Variants in SLC5A5 observed in about 807,000 individuals in gnomAD.
The protein encoded by SLC5A5 is solute carrier family 5 member 5.
A neutral mutation model predicts 68.6 loss-of-function variants in SLC5A5; 56 were observed. The observed-to-expected ratio is 0.82, with a 90% CI of 0.66 to 1.02. The LOEUF is 1.02. Ranked by LOEUF, SLC5A5 falls within the 50% of genes least tolerant of loss-of-function variation. The pLI, the probability that SLC5A5 is intolerant of heterozygous loss-of-function variation, is 0.00. For missense variants in SLC5A5, 807 were observed against 859.8 expected (o/e 0.94, Z 0.77); for synonymous variants, 398 against 373.0 (o/e 1.07, Z -0.77).
intron 8 of SLC5A5, among the ~76,000 whole-genome samples, chr19:17,881,285 C>T (rs150620779): frequency 9.3e-5 from 14 of 150,626 alleles, no homozygotes; most frequent in African/African-American, 2.9e-4. Flanking sequence ...GTTTTTTTTC[C>T]GGATGGAGTC....
At chr19:17,873,466 A>C (rs1027883869) in intron 1 of SLC5A5, among the ~76,000 whole-genome samples, 2 of 145,418 alleles carry the variant, frequency 1.4e-5, no homozygotes, top group African/African-American at 2.6e-5. Context: ...AAAGGAAAAA[A>C]AAATATTGTG....
chr19:17,881,499 TC>T (rs1333225031), intron 8 of SLC5A5, among the ~76,000 whole-genome samples: 1 of 152,158 alleles, frequency 6.6e-6, no homozygotes, highest in East Asian at 1.9e-4. Flanking sequence ...ACTCCTGACC[TC>T]AGGTGATCTG....
chr19:17,893,882 A>C lies in SLC5A5; in HGVS notation c.*5A>C, dbSNP rs371180549. 3.3e-5 allele frequency: 52 copies of C among 1,557,570 alleles called. No homozygotes were observed. The African/African-American group carries it at 6.5e-4, about 20-fold the overall frequency. On this transcript the variant is annotated 3_prime_UTR_variant, in exon 15 of 15. Transcript: ENST00000222248. ...CAGCAGGAGACAAACCTCTGAGGAC[A>C]GGGCCAGCCGCGGGACTGACACCCT...
At chr19:17,882,872 A>G (rs1490077572) in intron 10 of SLC5A5, among the ~76,000 whole-genome samples, 1 of 148,604 alleles carries the variant, frequency 6.7e-6, no homozygotes, top group Non-Finnish European at 1.5e-5. Context: ...TTTAGTAGAG[A>G]TGGGGTTTCA....
chr19:17,894,182 C>G lies in SLC5A5; in HGVS notation c.*305C>G. ...TTTTTTTTTGAGACAGGGTCATGCT[C>G]TGTCACCCAGGCTGGAGTGCAGTGG... On this transcript the variant is annotated 3_prime_UTR_variant, in exon 15 of 15. Transcript: ENST00000222248. The G allele has an allele frequency of 9.2e-6, 3 of 327,134 alleles. No homozygotes were observed. Among genetic ancestry groups the G allele is most frequent in the Non-Finnish European group, 1.7e-5 (3 of 178,094 alleles). The allele number at this position is 327,134 out of a possible 1,614,324, so 20.3% of individuals were successfully genotyped here.
Position 17,883,836 on chromosome 19 carries a change from G to A in SLC5A5, c.1330-14G>A. On this transcript the variant is annotated splice_polypyrimidine_tract_variant and intron_variant, in intron 11 of 14. Transcript: ENST00000222248. ...CAGGCCCCTCCCCTTCCCTGACGCC[G>A]GCTCTGCCCCCAGGGCGTCCTCGCG... 6.2e-7 allele frequency: 1 copy of A among 1,603,326 alleles called. No homozygotes were observed. The highest frequency in any genetic ancestry group is 8.5e-7 in the Non-Finnish European group (1 of 1,175,872).
intron 4 of SLC5A5, among the ~76,000 whole-genome samples, chr19:17,875,618 A>AT (rs536802953): frequency 1.6e-4 from 23 of 146,328 alleles, no homozygotes; most frequent in East Asian, 4.3e-4. Context: ...TACAAAAAAA[A>AT]TTTTTTTTAA....
intron 13 of SLC5A5, 49 bp from the exon 14 acceptor site, chr19:17,890,837 G>A (rs778188111): frequency 7.8e-7 from 1 of 1,275,176 alleles, no homozygotes; most frequent in South Asian, 1.2e-5. Context: ...CAACCCCCAT[G>A]ACCCCTTCAC....
At chr19:17,874,783 T>A in intron 4 of SLC5A5, 52 bp downstream of exon 4, 1 of 1,559,434 alleles carries the variant, frequency 6.4e-7, no homozygotes. Flanking sequence ...CCACTGTGTC[T>A]CTTGTGGGGA....
chr19:17,888,226 G>T (rs572495213), intron 12 of SLC5A5, 105 bp from the exon 13 acceptor site: 26 of 1,385,998 alleles, frequency 1.9e-5, no homozygotes, highest in Non-Finnish European at 2.3e-5. Context: ...TCTGTGCTAG[G>T]CCATGGCAGT....
chr19:17,892,036 G>A (rs2030193027), intron 14 of SLC5A5, among the ~76,000 whole-genome samples: 1 of 152,080 alleles, frequency 6.6e-6, no homozygotes, highest in Non-Finnish European at 1.5e-5. Context: ...GGTAGCTCAC[G>A]CCTGTAATCC....
At chr19:17,890,564 T>A (rs971477452) in intron 13 of SLC5A5, among the ~76,000 whole-genome samples, 1 of 152,094 alleles carries the variant, frequency 6.6e-6, no homozygotes, top group African/African-American at 2.4e-5. Context: ...GCTAATTTTT[T>A]AATATTTTGT....
chr19:17,892,223 G>A (rs550569971), intron 14 of SLC5A5, among the ~76,000 whole-genome samples: 1 of 152,006 alleles, frequency 6.6e-6, no homozygotes, highest in Non-Finnish European at 1.5e-5. Flanking sequence ...AATTGAACCC[G>A]GGAGGTAGAG....
chr19:17,883,782 G>T lies in SLC5A5; in HGVS notation c.1329+15G>T. On this transcript the variant is annotated intron_variant, in intron 11 of 14. Coordinates refer to ENST00000222248, the MANE Select transcript of SLC5A5 (RefSeq NM_000453.3). ...GCAACACACCGGTGAGTGGGGGCGG[G>T]GCAAGGGGCGGGGAGGGGCGGGGCC... The T allele has an allele frequency of 3.8e-6, 6 of 1,595,498 alleles. No homozygotes were observed. The highest frequency in any genetic ancestry group is 5.1e-6 in the Non-Finnish European group (6 of 1,165,654).
Position 17,893,905 on chromosome 19 carries a change from C to G in SLC5A5, c.*28C>G, listed in dbSNP as rs1356656251. 3 of 1,550,884 alleles carry G rather than the reference C, an allele frequency of 1.9e-6. No homozygotes were observed. In the South Asian group the frequency reaches 3.6e-5, roughly 18 times the overall value. Reference sequence around the variant, plus strand: ...ACAGGGCCAGCCGCGGGACTGACACCCTGGGATGGAACCTCAGGATGGGCC... The same window carrying G: ...ACAGGGCCAGCCGCGGGACTGACACGCTGGGATGGAACCTCAGGATGGGCC... On this transcript the variant is annotated 3_prime_UTR_variant, in exon 15 of 15. Transcript: ENST00000222248.
intron 7 of SLC5A5, among the ~76,000 whole-genome samples, 180 bp downstream of exon 7, chr19:17,878,273 G>A (rs761014345): frequency 2.6e-5 from 4 of 152,192 alleles, no homozygotes; most frequent in African/African-American, 4.8e-5. Flanking sequence ...GGGAGGCTGA[G>A]GCGGGTGGAT....
Position 17,877,996 on chromosome 19 carries a change from T to G in SLC5A5, c.872T>G (p.Leu291Arg). Reference protein sequence around the residue: ...ALLINQVGLFLIVSSAACCGI... With the variant: ...ALLINQVGLFRIVSSAACCGI... Reference sequence around the variant, plus strand: ...CTCATCAACCAGGTCGGCCTGTTCCTGATCGTGTCCAGCGCTGCCTGCTGT... The same window carrying G: ...CTCATCAACCAGGTCGGCCTGTTCCGGATCGTGTCCAGCGCTGCCTGCTGT... The change falls in exon 7 of 15, where the codon CTG (leucine) becomes CGG (arginine). Residue 291 changes from leucine (L) to arginine (R), a missense_variant. Physicochemically the swap from Leu to Arg is moderately radical, Grantham distance 102. Coordinates refer to ENST00000222248, the MANE Select transcript of SLC5A5 (RefSeq NM_000453.3). The G allele has an allele frequency of 6.2e-7, 1 of 1,613,542 alleles. No individual in the cohort carries two copies. Among genetic ancestry groups the G allele is most frequent in the Non-Finnish European group, 8.5e-7 (1 of 1,180,038 alleles).
intron 14 of SLC5A5, among the ~76,000 whole-genome samples, chr19:17,892,162 C>T (rs549424775): frequency 3.9e-5 from 6 of 152,008 alleles, no homozygotes; most frequent in South Asian, 2.1e-4. Flanking sequence ...GGCATGGTGG[C>T]GTGTGCCTGT....
At position 17,878,016 on chromosome 19, in the gene SLC5A5, T is replaced by A; in HGVS notation, c.892T>A (p.Cys298Ser). ...GTTCCTGATCGTGTCCAGCGCTGCC[T>A]GCTGTGGCATCGTCATGTTTGTGTT... ...GLFLIVSSAA[C>S]CGIVMFVFYT... The change falls in exon 7 of 15, where the codon TGC becomes AGC. Residue 298 changes from cysteine (C) to serine (S), a missense_variant. Coordinates refer to ENST00000222248, the MANE Select transcript of SLC5A5 (RefSeq NM_000453.3). 1 of 1,613,432 alleles carries A rather than the reference T, an allele frequency of 6.2e-7. No individual in the cohort carries two copies. The highest frequency in any genetic ancestry group is 8.5e-7 in the Non-Finnish European group (1 of 1,180,018).
Sources: allele counts gnomAD v4.1 joint callset (sites outside exome capture counted in the v4.1 genomes callset), GRCh38; gene constraint gnomAD v4.1.1; transcripts MANE v1.5; gene names NCBI Gene and HGNC (gene_info 2026-07-23, HGNC 2026-07-21).